Variants in SNX13 observed in about 807,000 individuals in gnomAD.
The protein encoded by SNX13 is sorting nexin 13.
Under a neutral mutation model 133.6 loss-of-function variants are expected in SNX13, and 45 were observed. That is an observed-to-expected ratio of 0.34 (90% CI 0.27 to 0.43). The LOEUF is 0.43. SNX13 is among the 20% of genes least tolerant of loss of function. The pLI, the probability that SNX13 is intolerant of heterozygous loss-of-function variation, is 1.00. For synonymous variants in SNX13, 414 were observed against 373.9 expected, an observed-to-expected ratio of 1.11 and a Z score of -1.24; for missense variants, 1,032 against 1,145.1, an observed-to-expected ratio of 0.90 and a Z score of 1.43.
intron 1 of SNX13, among the ~76,000 whole-genome samples, chr7:17,901,036 A>C (rs1391129733): frequency 6.6e-6 from 1 of 152,068 alleles, no homozygotes; most frequent in Non-Finnish European, 1.5e-5. Context: ...GCAGGCAATC[A>C]ATCTTGCCCG....
In SNX13 at chr7:17,803,673, A is replaced by C. The variant is rs1784877348; in HGVS notation, c.2065-93T>G. The stretch of plus-strand genomic sequence containing the variant: ...TGGAAAATATAGAGTGCAACACTGG[A>C]AAGATGCAGTAATTTTCTGGTCTAT... On this transcript the variant is annotated intron_variant, in intron 20 of 25. Transcript: ENST00000428135. 3.6e-5 allele frequency: 39 copies of C among 1,087,002 alleles called. No homozygotes were observed. The South Asian group carries it at 6.6e-4, about 18-fold the overall frequency. The allele number at this position is 1,087,002 out of a possible 1,614,324, so 67.3% of individuals were successfully genotyped here.
intron 1 of SNX13, among the ~76,000 whole-genome samples, chr7:17,904,817 C>T (rs924526773): frequency 1.3e-5 from 2 of 152,132 alleles, no homozygotes; most frequent in African/African-American, 2.4e-5. Context: ...TTTCCTCCCA[C>T]GTTATTCTAT....
chr7:17,802,146 G>A (rs1173731554), intron 21 of SNX13, among the ~76,000 whole-genome samples: 1 of 151,988 alleles, frequency 6.6e-6, no homozygotes, highest in Non-Finnish European at 1.5e-5. Context: ...TAGCCTAGGA[G>A]CAATAGGCAA....
intron 12 of SNX13, among the ~76,000 whole-genome samples, chr7:17,841,539 C>T (rs2691609): frequency 0.61 from 90,060 of 147,146 alleles, 28,325 homozygotes; most frequent in African/African-American, 0.79. Context: ...TAGATTCAAA[C>T]AGCCAGTTAT....
At chr7:17,910,651 A>C (rs1251108923) in intron 1 of SNX13, among the ~76,000 whole-genome samples, 2 of 152,238 alleles carry the variant, frequency 1.3e-5, no homozygotes, top group Non-Finnish European at 2.9e-5. Flanking sequence ...AGCCAAAAGG[A>C]GGAAATGCCC....
rs190319592 is a variant in SNX13 at position 17,872,889 on chromosome 7, C to T, written c.753+639G>A. Among the ~76,000 whole-genome samples, 424 of 152,292 alleles carry T rather than the reference C, an allele frequency of 2.8e-3. 11 individuals are homozygous for T. The highest frequency in any genetic ancestry group is 0.025 in the Admixed American group (383 of 15,308). On this transcript the variant is annotated intron_variant, in intron 8 of 25. Transcript: ENST00000428135. ...GACAAATGTTATTCCTTTAAATTTA[C>T]ACACAGAACTTTACTCTGAAGGTTT...
intron 1 of SNX13, among the ~76,000 whole-genome samples, chr7:17,903,440 C>A (rs1333274621): frequency 6.6e-6 from 1 of 152,174 alleles, no homozygotes; most frequent in African/African-American, 2.4e-5. Context: ...TAGAAGGCAG[C>A]AGCATAGTGC....
At chr7:17,804,099 A>T (rs1784925011) in intron 20 of SNX13, among the ~76,000 whole-genome samples, 1 of 152,098 alleles carries the variant, frequency 6.6e-6, no homozygotes, top group African/African-American at 2.4e-5. Flanking sequence ...CATATATATG[A>T]TTTGAAAATC....
chr7:17,827,514 T>C (rs756093837), intron 16 of SNX13, among the ~76,000 whole-genome samples: 2 of 151,866 alleles, frequency 1.3e-5, no homozygotes, highest in Non-Finnish European at 2.9e-5. Flanking sequence ...AGGCCAAAAA[T>C]GTATCTACTA....
At chr7:17,910,219 A>G (rs1050522499) in intron 1 of SNX13, among the ~76,000 whole-genome samples, 3 of 152,238 alleles carry the variant, frequency 2.0e-5, no homozygotes, top group Non-Finnish European at 2.9e-5. Flanking sequence ...AATCATTCCC[A>G]TAGGTTTTAG....
intron 13 of SNX13, among the ~76,000 whole-genome samples, chr7:17,835,765 T>C (rs1273852123): frequency 2.6e-5 from 4 of 151,946 alleles, no homozygotes; most frequent in African/African-American, 9.7e-5. Context: ...AACATCAGGA[T>C]ATAAATATGT....
At chr7:17,810,977 T>A (rs1785932467) in intron 20 of SNX13, among the ~76,000 whole-genome samples, 1 of 152,128 alleles carries the variant, frequency 6.6e-6, no homozygotes, top group Non-Finnish European at 1.5e-5. Context: ...AAACTCTCAA[T>A]AAACTAGGTA....
At chr7:17,810,200 T>C (rs1785842691) in intron 20 of SNX13, among the ~76,000 whole-genome samples, 1 of 151,502 alleles carries the variant, frequency 6.6e-6, no homozygotes, top group South Asian at 2.1e-4. Flanking sequence ...TTTGAAAAGA[T>C]CAACAAGATA....
At position 17,868,474 on chromosome 7, in the gene SNX13, C is replaced by T. The variant is rs1159377117; in HGVS notation, c.770G>A (p.Gly257Glu). The T allele has an allele frequency of 6.2e-7, 1 of 1,607,124 alleles. No individual in the cohort carries two copies. Among genetic ancestry groups the T allele is most frequent in the Non-Finnish European group, 8.5e-7 (1 of 1,176,900 alleles). ...RYFVREILAR[G>E]ILLPLINQLS... ...TTGATTTATTAATGGAAGAAGAATT[C>T]CTCGTGCAAGGATTTCCTGAAAAAA... is the stretch of plus-strand genomic sequence containing the variant. The change falls in exon 9 of 26, where the codon GGA (glycine) becomes GAA (glutamate). Residue 257 changes from glycine to glutamate, a missense_variant. Transcript: ENST00000428135.
chr7:17,803,225 C>G (rs1784829019), intron 21 of SNX13, among the ~76,000 whole-genome samples, 194 bp downstream of exon 21: 1 of 152,126 alleles, frequency 6.6e-6, no homozygotes, highest in South Asian at 2.1e-4. Flanking sequence ...GACTAACAAG[C>G]AAGTGGATTT....
intron 21 of SNX13, among the ~76,000 whole-genome samples, chr7:17,802,724 T>A (rs930682041): frequency 6.6e-6 from 1 of 152,120 alleles, no homozygotes; most frequent in Non-Finnish European, 1.5e-5. Flanking sequence ...TATATACATT[T>A]CCCCTACATT....
chr7:17,835,362 C>A (rs911513796), intron 13 of SNX13, among the ~76,000 whole-genome samples: 2 of 151,772 alleles, frequency 1.3e-5, no homozygotes, highest in African/African-American at 4.8e-5. Flanking sequence ...TTTGAATGTC[C>A]TTTAAAGAGA....
intron 1 of SNX13, among the ~76,000 whole-genome samples, chr7:17,936,373 G>A (rs1802027654): frequency 6.6e-6 from 1 of 152,106 alleles, no homozygotes; most frequent in Non-Finnish European, 1.5e-5. Context: ...TATTGAAAAA[G>A]CAACAAATCT....
intron 9 of SNX13, 60 bp downstream of exon 9, chr7:17,868,347 A>T: frequency 8.0e-7 from 1 of 1,256,720 alleles, no homozygotes; most frequent in Non-Finnish European, 1.1e-6. Flanking sequence ...TCTCCCAACT[A>T]TATTTTTACA....
Sources: allele counts gnomAD v4.1 joint callset (sites outside exome capture counted in the v4.1 genomes callset), GRCh38; gene constraint gnomAD v4.1.1; transcripts MANE v1.5; gene names NCBI Gene and HGNC (gene_info 2026-07-23, HGNC 2026-07-21).